DCHS2: variants seen among roughly 807,000 people sequenced by gnomAD.
The protein encoded by DCHS2 is dachsous cadherin-related 2.
DCHS2 carries 142 observed loss-of-function variants against 182.4 expected under a neutral mutation model. The observed-to-expected ratio is 0.78, with a 90% CI of 0.68 to 0.89. The LOEUF is 0.89. Ranked by LOEUF, DCHS2 falls within the 40% of genes least tolerant of loss-of-function variation. DCHS2 has a pLI of 0.00. For missense variants in DCHS2, 4,319 were observed against 4,198.6 expected, an observed-to-expected ratio of 1.03 and a Z score of -0.79; for synonymous variants, 1,740 against 1,663.3, an observed-to-expected ratio of 1.05 and a Z score of -1.12.
At chr4:154,356,611 C>CT (rs1729883570) in intron 3 of DCHS2, among the ~76,000 whole-genome samples, 1 of 152,266 alleles carries the variant, frequency 6.6e-6, no homozygotes, top group African/African-American at 2.4e-5. Flanking sequence ...CCTTTTTACT[C>CT]TACCTTTACT....
At chr4:154,351,725 C>T (rs1329038592) in intron 3 of DCHS2, among the ~76,000 whole-genome samples, 1 of 152,116 alleles carries the variant, frequency 6.6e-6, no homozygotes, top group Non-Finnish European at 1.5e-5. Context: ...AAGGAGCACG[C>T]AACCTAGATC....
At chr4:154,269,773 C>A in intron 14 of DCHS2, 127 bp downstream of exon 14, 1 of 971,168 alleles carries the variant, frequency 1.0e-6, no homozygotes. Flanking sequence ...CATAGGCTAG[C>A]TTAAAAAATT....
intron 1 of DCHS2, among the ~76,000 whole-genome samples, chr4:154,391,827 C>T (rs1731721533): frequency 6.6e-6 from 1 of 152,172 alleles, no homozygotes; most frequent in African/African-American, 2.4e-5. Context: ...TGGCCCTGAC[C>T]TGCTGAAAGC....
At chr4:154,244,453 A>G (rs1447410160) in intron 16 of DCHS2, among the ~76,000 whole-genome samples, 1 of 152,230 alleles carries the variant, frequency 6.6e-6, no homozygotes, top group African/African-American at 2.4e-5. Context: ...GCTGAGTAAT[A>G]AAATGAGTTA....
chr4:154,382,413 A>G (rs183845244), intron 1 of DCHS2, among the ~76,000 whole-genome samples: 5 of 152,234 alleles, frequency 3.3e-5, no homozygotes, highest in African/African-American at 1.2e-4. Flanking sequence ...CTAGGAAACA[A>G]CATTCTGGAC....
intron 1 of DCHS2, among the ~76,000 whole-genome samples, chr4:154,473,016 G>C (rs1357680421): frequency 1.3e-5 from 2 of 152,152 alleles, no homozygotes; most frequent in African/African-American, 4.8e-5. Context: ...ACCAAGATGG[G>C]AGTGTCCAGG....
intron 1 of DCHS2, among the ~76,000 whole-genome samples, chr4:154,421,259 G>A (rs897316501): frequency 2.0e-5 from 3 of 152,012 alleles, no homozygotes; most frequent in Admixed American, 1.3e-4. Context: ...AAAGTAAAAG[G>A]TCAGGAAATA....
intron 1 of DCHS2, among the ~76,000 whole-genome samples, chr4:154,413,941 T>C (rs959137544): frequency 2.1e-4 from 32 of 152,208 alleles, no homozygotes; most frequent in African/African-American, 7.7e-4. Flanking sequence ...GAGACCCTGG[T>C]TAATATATCT....
chr4:154,479,567 G>T (rs1457053217), intron 1 of DCHS2, among the ~76,000 whole-genome samples: 2 of 152,148 alleles, frequency 1.3e-5, no homozygotes, highest in African/African-American at 4.8e-5. Context: ...AAGATATTAT[G>T]AATTTAGATT....
At position 154,389,797 on chromosome 4, in the gene DCHS2, T is replaced by C. The variant is rs931811019; in HGVS notation, c.2053-12353A>G. ...ATCAAACAAAACAAAAACCTCTCCA[T>C]GGTACCTATGCTAAAGTTGAAGGAA... is the stretch of plus-strand genomic sequence containing the variant. On this transcript the variant is annotated intron_variant, in intron 1 of 19. Coordinates refer to ENST00000357232, the MANE Select transcript of DCHS2 (RefSeq NM_001358235.2). 3.6e-4 allele frequency among the ~76,000 whole-genome samples: 54 copies of C among 151,184 alleles called. 1 individual carries two copies. The highest frequency in any genetic ancestry group is 1.3e-3 in the African/African-American group (52 of 41,134).
intron 16 of DCHS2, among the ~76,000 whole-genome samples, chr4:154,252,267 G>A (rs1455747036): frequency 6.6e-6 from 1 of 151,930 alleles, no homozygotes; most frequent in Admixed American, 6.6e-5. Context: ...ATTACATCAG[G>A]GTAAATGGAG....
At chr4:154,433,363 T>C (rs1368482248) in intron 1 of DCHS2, among the ~76,000 whole-genome samples, 1 of 148,200 alleles carries the variant, frequency 6.7e-6, no homozygotes, top group Non-Finnish European at 1.5e-5. Context: ...TCCAAAACTG[T>C]GAGAAAACAA....
At chr4:154,316,595 C>T (rs138066617) in intron 9 of DCHS2, among the ~76,000 whole-genome samples, 2 of 152,136 alleles carry the variant, frequency 1.3e-5, no homozygotes, top group East Asian at 1.9e-4. Flanking sequence ...CCAGCCTGGC[C>T]AACATGGTGA....
chr4:154,378,627 T>A (rs983020899), intron 1 of DCHS2, among the ~76,000 whole-genome samples: 1 of 152,116 alleles, frequency 6.6e-6, no homozygotes, highest in African/African-American at 2.4e-5. Flanking sequence ...CATCACATAC[T>A]TACAACCTAT....
chr4:154,470,098 T>C (rs1374605041), intron 1 of DCHS2, among the ~76,000 whole-genome samples: 1 of 152,004 alleles, frequency 6.6e-6, no homozygotes, highest in Non-Finnish European at 1.5e-5. Flanking sequence ...TGACAATGAA[T>C]TAGTGATTGT....
Position 154,265,780 on chromosome 4 carries a change from AAG to A in DCHS2, c.6577+4118_6577+4119del, listed in dbSNP as rs1242264615. ...AACAAAAAAAAAAGAGAAAGGAAAAAAGAGATATAAAAAGGAAGGGGCACACA... is the reference window on the plus strand; with the variant it reads ...AACAAAAAAAAAAGAGAAAGGAAAAAAGATATAAAAAGGAAGGGGCACACA... On this transcript the variant is annotated intron_variant, in intron 14 of 19. Coordinates refer to ENST00000357232, the MANE Select transcript of DCHS2 (RefSeq NM_001358235.2). Among the ~76,000 whole-genome samples, 7 of 152,306 alleles carry A rather than the reference AAG, an allele frequency of 4.6e-5. No individual in the cohort carries two copies. In the East Asian group the frequency reaches 1.4e-3, roughly 29 times the overall value.
At position 154,236,281 on chromosome 4, in the gene DCHS2, T is replaced by C. The variant is rs1489879416; in HGVS notation, c.8371A>G (p.Ile2791Val). The change falls in exon 20 of 20, where the codon ATA becomes GTA. Residue 2791 changes from isoleucine (I) to valine (V), a missense_variant. By Grantham distance (29) the Ile-to-Val change is conservative (BLOSUM62 3). Transcript: ENST00000357232. The stretch of plus-strand genomic sequence containing the variant: ...CCAGCATCAAAATCCAGAGCATTTA[T>C]AGAGCATATGGTAGAGGAAATAGGC... ...NLPISSTICS[I>V]NALDFDAGPY... 2 of 1,613,946 alleles carry C rather than the reference T, an allele frequency of 1.2e-6. No homozygotes were observed. Among genetic ancestry groups the C allele is most frequent in the African/African-American group, 2.7e-5 (2 of 74,928 alleles).
chr4:154,323,944 C>T (rs943521106), intron 7 of DCHS2, among the ~76,000 whole-genome samples: 4 of 151,918 alleles, frequency 2.6e-5, no homozygotes, highest in Admixed American at 6.6e-5. Context: ...TCAATATGCA[C>T]TGCATTCTGG....
intron 10 of DCHS2, among the ~76,000 whole-genome samples, chr4:154,309,883 AC>A (rs1247102874): frequency 2.6e-5 from 4 of 152,344 alleles, no homozygotes; most frequent in South Asian, 4.1e-4. Context: ...AGTAAAAAGG[AC>A]TATGATGCAG....
Sources: gnomAD v4.1 joint callset for allele counts (sites outside exome capture counted in the v4.1 genomes callset) on GRCh38, gnomAD v4.1.1 for gene constraint, MANE v1.5 for transcripts, NCBI Gene and HGNC (gene_info 2026-07-23, HGNC 2026-07-21) for gene names.